Variants in CORO2B observed in about 807,000 individuals in gnomAD.
The protein encoded by CORO2B is coronin-2B.
A neutral mutation model predicts 58.8 loss-of-function variants in CORO2B; 26 were observed. That is an observed-to-expected ratio of 0.44 (90% CI 0.32 to 0.61). CORO2B has a LOEUF of 0.61. Among genes scored for constraint, CORO2B ranks in the 20% least tolerant of loss-of-function variants. The pLI is 0.04. For missense variants in CORO2B, 460 were observed against 645.1 expected (o/e 0.71, Z 3.11); for synonymous variants, 242 against 253.8 (o/e 0.95, Z 0.44).
intron 1 of CORO2B, among the ~76,000 whole-genome samples, chr15:68,589,304 T>C (rs1475512283): frequency 6.6e-6 from 1 of 152,272 alleles, no homozygotes; most frequent in Non-Finnish European, 1.5e-5. Context: ...AGATTAGGTC[T>C]GATTCTTTTT....
chr15:68,676,456 A>G (rs1368048801), intron 2 of CORO2B, among the ~76,000 whole-genome samples: 1 of 152,190 alleles, frequency 6.6e-6, no homozygotes, highest in Non-Finnish European at 1.5e-5. Context: ...CCAGAGGGTA[A>G]GGGGTCTGCA....
chr15:68,521,147 A>G, the CORO2B span, among the ~76,000 whole-genome samples: 2 of 151,992 alleles, frequency 1.3e-5, no homozygotes, highest in African/African-American at 4.8e-5. Context: ...TTTTACATCT[A>G]CCATCTTTAC....
chr15:68,519,762 A>C, the CORO2B span, among the ~76,000 whole-genome samples: 1 of 152,200 alleles, frequency 6.6e-6, no homozygotes, highest in African/African-American at 2.4e-5. Flanking sequence ...AGATACTTAC[A>C]TAAGTGGCTT....
At chr15:68,584,808 G>A (rs1899511203) in intron 1 of CORO2B, among the ~76,000 whole-genome samples, 2 of 152,222 alleles carry the variant, frequency 1.3e-5, no homozygotes, top group Admixed American at 1.3e-4. Context: ...GCACCCTGCA[G>A]CCTGGGGAGC....
chr15:68,620,117 G>A (rs1900475575), intron 1 of CORO2B, among the ~76,000 whole-genome samples: 1 of 152,026 alleles, frequency 6.6e-6, no homozygotes, highest in Non-Finnish European at 1.5e-5. Flanking sequence ...TCACCATGTT[G>A]GCCAGGCTGG....
upstream of CORO2B, among the ~76,000 whole-genome samples, chr15:68,576,290 C>T (rs1899287652): frequency 6.6e-6 from 1 of 152,034 alleles, no homozygotes; most frequent in African/African-American, 2.4e-5. Flanking sequence ...TCTAGACCTC[C>T]CTTCTGCCTG....
chr15:68,659,946 T>G (rs1019444776), intron 2 of CORO2B, among the ~76,000 whole-genome samples: 6 of 152,102 alleles, frequency 3.9e-5, no homozygotes, highest in African/African-American at 1.4e-4. Context: ...CTCATCTTCA[T>G]GCTGAGTAGG....
intron 2 of CORO2B, among the ~76,000 whole-genome samples, chr15:68,655,766 C>T (rs1287105238): frequency 6.6e-6 from 1 of 152,212 alleles, no homozygotes; most frequent in Non-Finnish European, 1.5e-5. Context: ...GGAGATCTGT[C>T]CACAAAGGGC....
chr15:68,678,598 C>T (rs1902666085), intron 2 of CORO2B, among the ~76,000 whole-genome samples: 1 of 152,174 alleles, frequency 6.6e-6, no homozygotes, highest in African/African-American at 2.4e-5. Context: ...CATTTGAACC[C>T]AGGAGACAGA....
chr15:68,583,711 A>C (rs1472608989), intron 1 of CORO2B, among the ~76,000 whole-genome samples: 1 of 152,194 alleles, frequency 6.6e-6, no homozygotes, highest in Non-Finnish European at 1.5e-5. Flanking sequence ...CTGACGCAGA[A>C]TCTAGGTACC....
chr15:68,588,872 C>G (rs955481888), intron 1 of CORO2B, among the ~76,000 whole-genome samples: 1 of 152,052 alleles, frequency 6.6e-6, no homozygotes, highest in African/African-American at 2.4e-5. Context: ...GCTGGTTATG[C>G]CTGCCCTGCT....
chr15:68,688,433 G>A (rs1318761345), intron 2 of CORO2B, among the ~76,000 whole-genome samples: 1 of 152,076 alleles, frequency 6.6e-6, no homozygotes, highest in Non-Finnish European at 1.5e-5. Flanking sequence ...TGCTCAAAGT[G>A]AATGCTCTTT....
chr15:68,571,660 C>T, the CORO2B span, among the ~76,000 whole-genome samples: 2 of 152,258 alleles, frequency 1.3e-5, no homozygotes, highest in Non-Finnish European at 2.9e-5. Flanking sequence ...TTTATATAGA[C>T]ACAGGTCCCA....
At chr15:68,546,579 GC>G in the CORO2B span, among the ~76,000 whole-genome samples, 2 of 152,184 alleles carry the variant, frequency 1.3e-5, no homozygotes, top group Non-Finnish European at 2.9e-5. Context: ...TTGGCTTTCT[GC>G]CTGGCCTGCC....
chr15:68,677,223 A>G (rs1902617705), intron 2 of CORO2B, among the ~76,000 whole-genome samples: 1 of 152,064 alleles, frequency 6.6e-6, no homozygotes, highest in South Asian at 2.1e-4. Flanking sequence ...AAAGCTCCCA[A>G]TTGAACCCCA....
At chr15:68,579,415 C>T (rs1278880006) in intron 1 of CORO2B, 138 bp downstream of exon 1, 11 of 890,836 alleles carry the variant, frequency 1.2e-5, no homozygotes, top group Non-Finnish European at 1.4e-5. Context: ...TCTCTTGCTG[C>T]CGGATCCGCT....
chr15:68,659,046 T>C (rs902761858), intron 2 of CORO2B, among the ~76,000 whole-genome samples: 4 of 152,226 alleles, frequency 2.6e-5, no homozygotes, highest in African/African-American at 9.6e-5. Context: ...TAAGTACTTA[T>C]ATTTAGGCAA....
chr15:68,648,369 G>A (rs1053548255), intron 2 of CORO2B, among the ~76,000 whole-genome samples: 19 of 150,680 alleles, frequency 1.3e-4, no homozygotes, highest in Non-Finnish European at 2.2e-4. Context: ...ACAAAAGGCC[G>A]GGTGCAGTGG....
intron 1 of CORO2B, among the ~76,000 whole-genome samples, chr15:68,618,033 G>C (rs1900411777): frequency 6.6e-6 from 1 of 152,144 alleles, no homozygotes; most frequent in South Asian, 2.1e-4. Context: ...GTCAGTACCT[G>C]CCCTCCAGGA....
Sources: gnomAD v4.1 joint callset for allele counts (sites outside exome capture counted in the v4.1 genomes callset) on GRCh38, gnomAD v4.1.1 for gene constraint, MANE v1.5 for transcripts, NCBI Gene and HGNC (gene_info 2026-07-23, HGNC 2026-07-21) for gene names.